B3GAT2: variants seen among roughly 807,000 people sequenced by gnomAD.
B3GAT2 encodes galactosylgalactosylxylosylprotein 3-beta-glucuronosyltransferase 2.
A neutral mutation model predicts 27.8 loss-of-function variants in B3GAT2; 26 were observed. That is an observed-to-expected ratio of 0.93 (90% CI 0.68 to 1.30). The LOEUF (loss-of-function observed/expected upper bound fraction) is 1.30, where lower values mean the gene tolerates loss of function less well. B3GAT2 is among the 50% of genes most tolerant of loss of function. The pLI is 0.00. For missense variants in B3GAT2, 458 were observed against 459.0 expected (o/e 1.00, Z 0.02); for synonymous variants, 218 against 195.1 (o/e 1.12, Z -0.98).
intron 2 of B3GAT2, among the ~76,000 whole-genome samples, chr6:70,871,154 AT>A (rs71538446): frequency 0.15 from 19,059 of 127,596 alleles, 1,532 homozygotes; most frequent in East Asian, 0.24. Context: ...CTTTACTAGT[AT>A]TTTTTTTTTA....
intron 1 of B3GAT2, among the ~76,000 whole-genome samples, chr6:70,950,488 T>C (rs73745723): frequency 1.5e-3 from 234 of 152,280 alleles, no homozygotes; most frequent in African/African-American, 5.3e-3. Context: ...CATATTTTCA[T>C]GTGTTAAATG....
Position 70,861,423 on chromosome 6 carries a change from AGTT to A in B3GAT2, c.*237_*239del, listed in dbSNP as rs1221286674. The stretch of plus-strand genomic sequence containing the variant: ...ACTGTACAAAAAAATCTTCCAATTT[AGTT>A]GTTGTAGAGAAAACATGCAGAACAA... On this transcript the variant is annotated 3_prime_UTR_variant, in exon 4 of 4. Transcript: ENST00000230053. The A allele has an allele frequency of 1.6e-5, 8 of 492,392 alleles. No individual in the cohort carries two copies. The highest frequency in any genetic ancestry group is 1.0e-4 in the Admixed American group (3 of 30,070). The allele number at this position is 492,392 out of a possible 1,614,324, so 30.5% of individuals were successfully genotyped here. A position where few individuals can be genotyped will look rare whatever the true frequency, so the allele number is the denominator to read the frequency against.
chr6:70,937,431 C>A (rs1291775556), intron 1 of B3GAT2, among the ~76,000 whole-genome samples: 1 of 151,794 alleles, frequency 6.6e-6, no homozygotes, highest in East Asian at 1.9e-4. Flanking sequence ...ATACCAAAGC[C>A]GGGCAGAGAC....
chr6:70,935,949 C>T (rs1299770388), intron 1 of B3GAT2, among the ~76,000 whole-genome samples: 1 of 151,580 alleles, frequency 6.6e-6, no homozygotes, highest in African/African-American at 2.4e-5. Flanking sequence ...TTAAAAGACA[C>T]AGACTGGCAA....
intron 1 of B3GAT2, among the ~76,000 whole-genome samples, chr6:70,900,693 G>T (rs1262980111): frequency 6.6e-6 from 1 of 152,212 alleles, no homozygotes; most frequent in Non-Finnish European, 1.5e-5. Context: ...GCCAGCTCCA[G>T]GGACTGGAAC....
At chr6:70,876,240 T>G (rs1772011694) in intron 2 of B3GAT2, among the ~76,000 whole-genome samples, 1 of 152,160 alleles carries the variant, frequency 6.6e-6, no homozygotes. Context: ...TATTCCCCAA[T>G]CCTAGTGAAA....
chr6:70,911,176 C>G (rs1367111474), intron 1 of B3GAT2, among the ~76,000 whole-genome samples: 1 of 152,042 alleles, frequency 6.6e-6, no homozygotes, highest in Non-Finnish European at 1.5e-5. Context: ...AATTAGGTCC[C>G]ACTTGCCGTT....
At chr6:70,930,832 G>A (rs1170012171) in intron 1 of B3GAT2, among the ~76,000 whole-genome samples, 2 of 152,174 alleles carry the variant, frequency 1.3e-5, no homozygotes, top group East Asian at 3.9e-4. Context: ...TCCCATTACT[G>A]GTTATATACC....
At chr6:70,888,885 C>T (rs73505618) in intron 2 of B3GAT2, among the ~76,000 whole-genome samples, 298 of 152,286 alleles carry the variant, frequency 2.0e-3, no homozygotes, top group African/African-American at 6.9e-3. Flanking sequence ...AGACCTTTCC[C>T]GAAACTCCCC....
At chr6:70,892,266 C>T (rs1309781437) in intron 2 of B3GAT2, among the ~76,000 whole-genome samples, 1 of 152,142 alleles carries the variant, frequency 6.6e-6, no homozygotes, top group Non-Finnish European at 1.5e-5. Context: ...GATAGGCCAG[C>T]CCTAATGCAC....
chr6:70,891,039 T>C (rs1292557087), intron 2 of B3GAT2, among the ~76,000 whole-genome samples: 1 of 152,252 alleles, frequency 6.6e-6, no homozygotes, highest in Non-Finnish European at 1.5e-5. Context: ...GACACCTCCC[T>C]GGAAGTGGCT....
At position 70,859,180 on chromosome 6, in the gene B3GAT2, T is replaced by C; in HGVS notation, c.*2483A>G. 1 of 544,978 alleles carries C rather than the reference T, an allele frequency of 1.8e-6. No individual in the cohort carries two copies. The highest frequency in any genetic ancestry group is 3.0e-5 in the East Asian group (1 of 33,216). The allele number at this position is 544,978 out of a possible 1,614,324, so 33.8% of individuals were successfully genotyped here. A position where few individuals can be genotyped will look rare whatever the true frequency, so the allele number is the denominator to read the frequency against. On this transcript the variant is annotated 3_prime_UTR_variant, in exon 4 of 4. Transcript: ENST00000230053. ...TTTGCTACCACCATTTACAAGAATA[T>C]AGGTAAAACATTGGTCTCTACCCGC...
chr6:70,917,715 G>A (rs1772797250), intron 1 of B3GAT2, among the ~76,000 whole-genome samples: 1 of 152,176 alleles, frequency 6.6e-6, no homozygotes, highest in Admixed American at 6.5e-5. Context: ...TTTTGAGTGA[G>A]TTTCTTAATC....
intron 2 of B3GAT2, among the ~76,000 whole-genome samples, chr6:70,891,434 G>A (rs1582357552): frequency 6.6e-6 from 1 of 152,180 alleles, no homozygotes; most frequent in Admixed American, 6.5e-5. Context: ...TCACCTGAGA[G>A]CAAAATTTCA....
chr6:70,911,186 T>C (rs2150038604), intron 1 of B3GAT2, among the ~76,000 whole-genome samples: 1 of 152,130 alleles, frequency 6.6e-6, no homozygotes, highest in Non-Finnish European at 1.5e-5. Context: ...CACTTGCCGT[T>C]TTTTTGTTGC....
chr6:70,954,351 C>T (rs1765617310), intron 1 of B3GAT2, among the ~76,000 whole-genome samples: 1 of 151,926 alleles, frequency 6.6e-6, no homozygotes, highest in Admixed American at 6.6e-5. Flanking sequence ...TTTGGAGAAA[C>T]GTGGAAAGAA....
intron 1 of B3GAT2, among the ~76,000 whole-genome samples, chr6:70,933,347 C>A (rs547021354): frequency 6.6e-6 from 1 of 151,132 alleles, no homozygotes; most frequent in African/African-American, 2.4e-5. Flanking sequence ...AAGCAGGAAG[C>A]AAAGGTAGAG....
chr6:70,930,638 A>G (rs1381435520), intron 1 of B3GAT2, among the ~76,000 whole-genome samples: 2 of 152,238 alleles, frequency 1.3e-5, no homozygotes, highest in Non-Finnish European at 2.9e-5. Flanking sequence ...ACAATGAGAT[A>G]CCATCTCACA....
At chr6:70,944,267 C>T (rs989772402) in intron 1 of B3GAT2, among the ~76,000 whole-genome samples, 7 of 152,082 alleles carry the variant, frequency 4.6e-5, no homozygotes, top group South Asian at 2.1e-4. Context: ...GAAAGCAGGG[C>T]GAGGCATTGC....
Sources: gnomAD v4.1 joint callset for allele counts (sites outside exome capture counted in the v4.1 genomes callset) on GRCh38, gnomAD v4.1.1 for gene constraint, MANE v1.5 for transcripts, NCBI Gene and HGNC (gene_info 2026-07-23, HGNC 2026-07-21) for gene names.